The following NBPF15 variants were observed in gnomAD, a reference collection of about 807,000 sequenced individuals.
NBPF15 encodes the protein NBPF member 15, also known as NBPF family member NBPF15.
In NBPF15, 74 loss-of-function variants were observed where a neutral mutation model predicts 62.2. That is an observed-to-expected ratio of 1.19 (90% CI 0.99 to 1.44). The LOEUF (loss-of-function observed/expected upper bound fraction) is 1.44. NBPF15 is among the 40% of genes most tolerant of loss of function. The pLI is 0.00. For synonymous variants in NBPF15, 244 were observed against 209.7 expected, an observed-to-expected ratio of 1.16 and a Z score of -1.41; for missense variants, 790 against 550.0, an observed-to-expected ratio of 1.44 and a Z score of -4.36.
intron 6 of NBPF15, 75 bp from the exon 7 acceptor site, chr1:144,440,370 G>A (rs1331886841): frequency 1.2e-6 from 1 of 859,894 alleles, no homozygotes; most frequent in African/African-American, 1.7e-5. Context: ...AATTGCCCAG[G>A]CTTTGCTGAA....
chr1:144,424,447 C>T (rs1668116145), intron 20 of NBPF15, among the ~76,000 whole-genome samples: 1 of 151,956 alleles, frequency 6.6e-6, no homozygotes, highest in African/African-American at 2.4e-5. Flanking sequence ...GGTCCAATGT[C>T]ATGAGAGTAG....
At chr1:144,461,307 C>T (rs1479227354) in intron 1 of NBPF15, 74 bp downstream of exon 1, 3 of 151,708 alleles carry the variant, frequency 2.0e-5, no homozygotes, top group East Asian at 3.9e-4. Flanking sequence ...CCCGCCTCGC[C>T]CTCCGTCGCT....
intron 6 of NBPF15, among the ~76,000 whole-genome samples, chr1:144,444,063 T>G (rs1406389035): frequency 1.3e-5 from 2 of 151,978 alleles, no homozygotes; most frequent in Non-Finnish European, 2.9e-5. Context: ...TAATGTCTTG[T>G]AAATACTGAG....
chr1:144,443,620 C>T (rs1685128184), intron 6 of NBPF15, among the ~76,000 whole-genome samples: 1 of 151,840 alleles, frequency 6.6e-6, no homozygotes, highest in African/African-American at 2.4e-5. Flanking sequence ...TTTTAGGGGC[C>T]TTGTACCTGC....
At chr1:144,449,306 C>T (rs782282605) in intron 5 of NBPF15, among the ~76,000 whole-genome samples, 14 of 151,966 alleles carry the variant, frequency 9.2e-5, no homozygotes, top group Non-Finnish European at 2.1e-4. Flanking sequence ...CAGAACTAAA[C>T]ATCTACCTAT....
chr1:144,454,972 G>A (rs868928127), intron 4 of NBPF15, among the ~76,000 whole-genome samples: 13 of 151,776 alleles, frequency 8.6e-5, no homozygotes, highest in Middle Eastern at 3.4e-3. Flanking sequence ...AGATTTCAGT[G>A]CAGTGTGGTC....
intron 4 of NBPF15, among the ~76,000 whole-genome samples, chr1:144,451,186 G>C (rs1265417064): frequency 2.6e-5 from 4 of 151,512 alleles, no homozygotes; most frequent in Non-Finnish European, 5.9e-5. Context: ...CATAAACAAG[G>C]TAAAGAAAAA....
chr1:144,440,391 C>T, intron 6 of NBPF15, 96 bp from the exon 7 acceptor site: 1 of 644,690 alleles, frequency 1.6e-6, no homozygotes, highest in Non-Finnish European at 2.6e-6. Flanking sequence ...ACACAGGCAC[C>T]CTAGTCTCAC....
Position 144,433,150 on chromosome 1 carries a change from C to T in NBPF15, c.824+623G>A, listed in dbSNP as rs1230797465. Among the ~76,000 whole-genome samples, 4 of 152,154 alleles carry T rather than the reference C, an allele frequency of 2.6e-5. No individual in the cohort carries two copies. In the East Asian group the frequency reaches 5.8e-4, roughly 22 times the overall value. Reference sequence around the variant, plus strand: ...TTAGAACCCAGGATTAAGAAACTCACTCAAAACCGCACAACTACATGGAAA... The same window carrying T: ...TTAGAACCCAGGATTAAGAAACTCATTCAAAACCGCACAACTACATGGAAA... On this transcript the variant is annotated intron_variant, in intron 13 of 21. Coordinates refer to ENST00000581897, the MANE Select transcript of NBPF15 (RefSeq NM_001385408.1).
At chr1:144,437,554 A>C (rs1553541544) in intron 9 of NBPF15, among the ~76,000 whole-genome samples, 5 of 150,888 alleles carry the variant, frequency 3.3e-5, no homozygotes, top group Non-Finnish European at 2.9e-5. Context: ...TCGAGAAGGC[A>C]ACATTGATTG....
At position 144,439,916 on chromosome 1, in the gene NBPF15, C is replaced by T; in HGVS notation, c.88G>A (p.Glu30Lys). ...INEKLRPQLA[E>K]KKQQFRNLKE... ...AGGTTTCTGAACTGCTGTTTCTTCT[C>T]TGCCAACTGGGGGCGCAATTTCTCA... Residue 30 changes from glutamate (E) to lysine (K), a missense_variant, in exon 8 of 22, where the codon GAG (glutamate) becomes AAG (lysine). Transcript: ENST00000581897. 1 of 1,611,644 alleles carries T rather than the reference C, an allele frequency of 6.2e-7. No homozygotes were observed. The highest frequency in any genetic ancestry group is 1.3e-5 in the African/African-American group (1 of 74,918).
chr1:144,428,113 G>A (rs1435461062), intron 15 of NBPF15, 123 bp from the exon 16 acceptor site: 1 of 682,410 alleles, frequency 1.5e-6, no homozygotes, highest in Non-Finnish European at 2.7e-6. Context: ...CCATTAATGA[G>A]GTAACAAATT....
In NBPF15 at chr1:144,427,911, C is replaced by G. The variant is rs1670986487; in HGVS notation, c.1120G>C (p.Gly374Arg). ...SLDRCYSTPS[G>R]CLELTDSCQP... ...CATGAGTCAGTCAGTTCAAGACAAC[C>G]TGAAGGAGTTGAATAACATCTATCC... Residue 374 changes from glycine (G) to arginine (R), a missense_variant, in exon 16 of 22, where the codon GGT (glycine) becomes CGT (arginine). By Grantham distance (125) the Gly-to-Arg change is moderately radical (BLOSUM62 -2). Transcript: ENST00000581897. The G allele has an allele frequency of 7.3e-6, 5 of 687,088 alleles. No individual in the cohort carries two copies. Among genetic ancestry groups the G allele is most frequent in the Non-Finnish European group, 1.3e-5 (5 of 377,730 alleles). 42.6% of individuals were successfully genotyped at this position (687,088 alleles called of 1,614,324 possible).
chr1:144,442,494 G>A (rs1212727688), intron 6 of NBPF15: 1 of 150,000 alleles, frequency 6.7e-6, no homozygotes, highest in African/African-American at 2.5e-5. Flanking sequence ...GTGGCGAGGA[G>A]GACAGCACCT....
chr1:144,423,827 G>A lies in NBPF15; in HGVS notation c.1769+43C>T, dbSNP rs1189620550. ...GGTTTCCCTGAATCTGTTGCCTCCAGGTGTTAACACAGAATTAAGCATCCA... is the reference window on the plus strand; with the variant it reads ...GGTTTCCCTGAATCTGTTGCCTCCAAGTGTTAACACAGAATTAAGCATCCA... On this transcript the variant is annotated intron_variant, in intron 21 of 21. Transcript: ENST00000581897. 2.1e-5 allele frequency: 16 copies of A among 761,734 alleles called. No individual in the cohort carries two copies. The Admixed American group carries it at 2.5e-4, about 12-fold the overall frequency. 47.2% of individuals were successfully genotyped at this position (761,734 alleles called of 1,614,324 possible).
Position 144,435,203 on chromosome 1 carries a change from G to A in NBPF15, c.680C>T (p.Thr227Ile). 4 of 1,613,090 alleles carry A rather than the reference G, an allele frequency of 2.5e-6. No individual in the cohort carries two copies. The highest frequency in any genetic ancestry group is 1.8e-4 in the Middle Eastern group (1 of 5,612). The change falls in exon 12 of 22, where the codon ACC (threonine) becomes ATC (isoleucine). Residue 227 changes from threonine (T) to isoleucine (I), a missense_variant. Physicochemically the swap from Thr to Ile is moderately conservative, Grantham distance 89 (BLOSUM62 -1). Transcript: ENST00000581897. ...PYDSNQPHKK[T>I]KITFEEDKVD... is the part of the protein sequence containing the mutation. ...TTTGTCTTCCTCAAATGTGATTTTG[G>A]TTTTCTTATGTGGCTGGTTGGAGTC... is the stretch of plus-strand genomic sequence containing the variant.
chr1:144,428,080 G>A (rs1671153917), intron 15 of NBPF15, 90 bp from the exon 16 acceptor site: 2 of 761,568 alleles, frequency 2.6e-6, no homozygotes, highest in Non-Finnish European at 4.9e-6. Context: ...ATAAGGAAGA[G>A]TTTGAAAAGA....
intron 3 of NBPF15, among the ~76,000 whole-genome samples, chr1:144,457,814 C>G (rs374400047): frequency 1.3e-5 from 2 of 151,928 alleles, no homozygotes; most frequent in Admixed American, 6.6e-5. Flanking sequence ...AAATGGCCAG[C>G]GGTGATGGCT....
chr1:144,427,851 G>C lies in NBPF15; in HGVS notation c.1180C>G (p.Gln394Glu), dbSNP rs1670920177. Reference sequence around the variant, plus strand: ...TCAATAGCCAAGCCAACACGCTGTTGCTCCAATACGTAAAAGGCACTTCTG... The same window carrying C: ...TCAATAGCCAAGCCAACACGCTGTTCCTCCAATACGTAAAAGGCACTTCTG... The part of the protein sequence containing the change: ...PYRSAFYVLE[Q>E]QRVGLAIDMD... The change falls in exon 16 of 22, where the codon CAA becomes GAA. Residue 394 changes from glutamine (Q) to glutamate (E), a missense_variant. By Grantham distance (29) the Gln-to-Glu change is conservative. Transcript: ENST00000581897. 1.4e-6 allele frequency: 1 copy of C among 724,098 alleles called. No homozygotes were observed. The highest frequency in any genetic ancestry group is 2.5e-6 in the Non-Finnish European group (1 of 395,828). The allele number at this position is 724,098 out of a possible 1,614,324, so 44.9% of individuals were successfully genotyped here. A position where few individuals can be genotyped will look rare whatever the true frequency, so the allele number is the denominator to read the frequency against.
Sources: allele counts gnomAD v4.1 joint callset (sites outside exome capture counted in the v4.1 genomes callset), GRCh38; gene constraint gnomAD v4.1.1; transcripts MANE v1.5; gene names NCBI Gene and HGNC (gene_info 2026-07-23, HGNC 2026-07-21).